The following CCNJL variants were observed in gnomAD, a reference collection of about 807,000 sequenced individuals.
CCNJL encodes the protein cyclin-J-like protein.
Under a neutral mutation model 33.4 loss-of-function variants are expected in CCNJL, and 33 were observed. The observed-to-expected ratio is 0.99, with a 90% CI of 0.75 to 1.32. CCNJL has a LOEUF of 1.32. CCNJL is among the 40% of genes most tolerant of loss of function. CCNJL has a pLI of 0.00. For synonymous variants in CCNJL, 227 were observed against 220.9 expected (o/e 1.03, Z -0.24); for missense variants, 512 against 499.7 (o/e 1.02, Z -0.23).
At chr5:160,309,060 C>T (rs1430990190) in intron 2 of CCNJL, among the ~76,000 whole-genome samples, 1 of 152,160 alleles carries the variant, frequency 6.6e-6, no homozygotes, top group East Asian at 1.9e-4. Flanking sequence ...GAGAGCAGGC[C>T]AGAGCCAGGC....
intron 3 of CCNJL, among the ~76,000 whole-genome samples, chr5:160,273,885 G>A (rs367983014): frequency 1.3e-5 from 2 of 151,796 alleles, no homozygotes; most frequent in Admixed American, 6.6e-5. Context: ...CTGACCTCAG[G>A]TGATCCACCC....
chr5:160,326,085 G>C (rs1763531789), intron 1 of CCNJL, among the ~76,000 whole-genome samples: 1 of 152,164 alleles, frequency 6.6e-6, no homozygotes, highest in South Asian at 2.1e-4. Context: ...GACCTGGCCA[G>C]TTGCAAGTAT....
In CCNJL at chr5:160,259,282, T is replaced by C. The variant is rs13360063; in HGVS notation, c.583+187A>G. ...TGCATATAAGTTGCTATTTCTCTTT[T>C]ACATGTTACTGGGCGAATCCTTGCC... On this transcript the variant is annotated intron_variant, in intron 4 of 5. Coordinates refer to ENST00000257536, the MANE Select transcript of CCNJL (RefSeq NM_001308173.3). 1.9e-3 allele frequency among the ~76,000 whole-genome samples: 287 copies of C among 152,372 alleles called. 3 individuals are homozygous for C. Among genetic ancestry groups the C allele is most frequent in the African/African-American group, 6.6e-3 (275 of 41,584 alleles).
chr5:160,271,250 G>A (rs918194464), intron 3 of CCNJL, among the ~76,000 whole-genome samples: 7 of 152,188 alleles, frequency 4.6e-5, no homozygotes, highest in Non-Finnish European at 7.3e-5. Flanking sequence ...TGACAGGTAA[G>A]TGCTTGGGTG....
rs558366856 is a variant in CCNJL, at chr5:160,337,745, C to T, written n.206+1700G>A. The stretch of plus-strand genomic sequence containing the variant: ...AAAGTAGGCCCAATCAGCACAGTTA[C>T]GTGTTCTTCTTAATATTTAGTTGGA... On this transcript the variant is annotated intron_variant and non_coding_transcript_variant, in intron 1 of 7. Coordinates refer to the CCNJL transcript ENST00000377503. 1.0e-3 allele frequency among the ~76,000 whole-genome samples: 154 copies of T among 152,252 alleles called. No homozygotes were observed. The South Asian group carries it at 0.015, about 15-fold the overall frequency.
At chr5:160,261,529 A>G (rs1761332777) in intron 3 of CCNJL, among the ~76,000 whole-genome samples, 2 of 152,130 alleles carry the variant, frequency 1.3e-5, no homozygotes, top group Admixed American at 1.3e-4. Context: ...CGCGAGGTCA[A>G]AGCTGCCCAG....
intron 1 of CCNJL, among the ~76,000 whole-genome samples, chr5:160,325,440 A>G (rs1373399040): frequency 6.6e-6 from 1 of 152,074 alleles, no homozygotes; most frequent in East Asian, 1.9e-4. Context: ...TTTTGCTAAT[A>G]CTATTGCTTT....
Position 160,280,735 on chromosome 5 carries a change from G to A in CCNJL, c.70C>T (p.Leu24=). ...DVHCTLREKE[L]KLPTFRAHSP... is the part of the protein sequence containing the mutation. ...TGGGCTCGGAAGGTGGGCAGCTTCAGTTCCTGGAGGACAGGCGGGGCGGAG... is the reference window on the plus strand; with the variant it reads ...TGGGCTCGGAAGGTGGGCAGCTTCAATTCCTGGAGGACAGGCGGGGCGGAG... The change falls in exon 3 of 6, where the codon CTG becomes TTG. Residue 24 remains leucine, a synonymous_variant. Coordinates refer to ENST00000257536, the MANE Select transcript of CCNJL (RefSeq NM_001308173.3). The A allele has an allele frequency of 6.3e-7, 1 of 1,598,708 alleles. No individual in the cohort carries two copies. The highest frequency in any genetic ancestry group is 8.5e-7 in the Non-Finnish European group (1 of 1,172,580).
Position 160,312,419 on chromosome 5 carries a change from C to T in CCNJL, c.-105G>A, listed in dbSNP as rs1441063323. ...CGCCGGGCCCCTCCCAGTGCCGAGC[C>T]AGCCGTGCCCTCTGGTGCCTGCCGG... On this transcript the variant is annotated 5_prime_UTR_variant, in exon 1 of 6. Transcript: ENST00000257536. The T allele has an allele frequency of 6.5e-6, 1 of 154,452 alleles. No homozygotes were observed. Among genetic ancestry groups the T allele is most frequent in the Non-Finnish European group, 1.4e-5 (1 of 69,570 alleles). 9.6% of individuals were successfully genotyped at this position (154,452 alleles called of 1,614,324 possible). A position where few individuals can be genotyped will look rare whatever the true frequency, so the allele number is the denominator to read the frequency against.
intron 4 of CCNJL, 81 bp downstream of exon 4, chr5:160,259,388 T>C (rs765729338): frequency 2.0e-4 from 264 of 1,294,552 alleles, no homozygotes; most frequent in Non-Finnish European, 2.7e-4. Flanking sequence ...TGGATGGACA[T>C]GCCTTTTAGA....
intron 1 of CCNJL, among the ~76,000 whole-genome samples, chr5:160,330,795 C>T (rs530101807): frequency 1.3e-5 from 2 of 152,224 alleles, no homozygotes; most frequent in East Asian, 3.9e-4. Context: ...TCCCAAGTAG[C>T]TGGGATTACA....
chr5:160,299,894 C>A (rs1346158523), intron 2 of CCNJL, among the ~76,000 whole-genome samples: 1 of 151,624 alleles, frequency 6.6e-6, no homozygotes, highest in Non-Finnish European at 1.5e-5. Context: ...CGCTGTCTAC[C>A]ACGTTGCGTC....
intron 1 of CCNJL, among the ~76,000 whole-genome samples, chr5:160,322,823 C>T (rs1474930181): frequency 1.3e-5 from 2 of 151,628 alleles, no homozygotes; most frequent in East Asian, 1.9e-4. Context: ...GCAGAGGAAT[C>T]GCTTGAAACA....
Position 160,253,106 on chromosome 5 carries a change from A to G in CCNJL, c.*272T>C, listed in dbSNP as rs1388432403. ...CCTCTTATCAAGTCTTTCTCGATTCACTGGGCCCCTGTGTGGGGGGACGGC... is the reference window on the plus strand; with the variant it reads ...CCTCTTATCAAGTCTTTCTCGATTCGCTGGGCCCCTGTGTGGGGGGACGGC... On this transcript the variant is annotated 3_prime_UTR_variant, in exon 6 of 6. Transcript: ENST00000257536. 2.7e-6 allele frequency: 1 copy of G among 366,230 alleles called. No homozygotes were observed. Among genetic ancestry groups the G allele is most frequent in the African/African-American group, 2.1e-5 (1 of 48,208 alleles). The allele number at this position is 366,230 out of a possible 1,614,324, so 22.7% of individuals were successfully genotyped here.
intron 3 of CCNJL, among the ~76,000 whole-genome samples, chr5:160,278,546 A>G (rs1762094768): frequency 6.6e-6 from 1 of 152,116 alleles, no homozygotes; most frequent in South Asian, 2.1e-4. Flanking sequence ...AGGTGTCCTG[A>G]AAAATCTGTT....
chr5:160,255,752 T>A, intron 4 of CCNJL, 44 bp from the exon 5 acceptor site: 7 of 1,583,180 alleles, frequency 4.4e-6, no homozygotes, highest in Non-Finnish European at 6.1e-6. Flanking sequence ...AATCCTCCCC[T>A]TGGAATCCCA....
chr5:160,269,491 G>A (rs904712173), intron 3 of CCNJL: 25 of 456,396 alleles, frequency 5.5e-5, no homozygotes, highest in South Asian at 2.5e-4. Flanking sequence ...CAGGTCTGAC[G>A]GCACTGCTGC....
At chr5:160,264,878 C>G (rs1163043512) in intron 3 of CCNJL, among the ~76,000 whole-genome samples, 1 of 152,074 alleles carries the variant, frequency 6.6e-6, no homozygotes, top group Non-Finnish European at 1.5e-5. Context: ...GAATTAGCGC[C>G]AAGAGAAGCA....
At chr5:160,281,941 C>A (rs1419384361) in intron 2 of CCNJL, among the ~76,000 whole-genome samples, 1 of 152,180 alleles carries the variant, frequency 6.6e-6, no homozygotes, top group Non-Finnish European at 1.5e-5. Flanking sequence ...CAGGCCTGAG[C>A]CATCAAGCCC....
Sources: gnomAD v4.1 joint callset for allele counts (sites outside exome capture counted in the v4.1 genomes callset) on GRCh38, gnomAD v4.1.1 for gene constraint, MANE v1.5 for transcripts, NCBI Gene and HGNC (gene_info 2026-07-23, HGNC 2026-07-21) for gene names.